The following C1orf185 variants were observed in gnomAD, a reference collection of about 807,000 sequenced individuals.
The protein encoded by C1orf185 is chromosome 1 open reading frame 185.
In C1orf185, 13 loss-of-function variants were observed where a neutral mutation model predicts 16.1. The observed-to-expected ratio is 0.81, with a 90% CI of 0.53 to 1.28. The LOEUF (loss-of-function observed/expected upper bound fraction) is 1.28. Among genes scored for constraint, C1orf185 ranks in the 50% most tolerant of loss-of-function variants. The probability of loss-of-function intolerance (pLI) is 0.00; values close to 1 mark genes in which losing one functional copy is unlikely to be tolerated. For synonymous variants in C1orf185, 80 were observed against 76.9 expected (o/e 1.04, Z -0.21); for missense variants, 220 against 225.2 (o/e 0.98, Z 0.15).
chr1:51,104,542 G>T (rs971630017), intron 1 of C1orf185, among the ~76,000 whole-genome samples: 1 of 152,182 alleles, frequency 6.6e-6, no homozygotes. Context: ...AAAATCAGTA[G>T]TGACCTTTGG....
In C1orf185 at chr1:51,135,490, G is replaced by C. The variant is rs1454534708; in HGVS notation, c.259-10234G>C. Among the ~76,000 whole-genome samples the C allele has an allele frequency of 2.6e-5, 4 of 151,780 alleles. No individual in the cohort carries two copies. In the South Asian group the frequency reaches 8.4e-4, roughly 32 times the overall value. Reference sequence around the variant, plus strand: ...GAAGGCGGAGGTTGCAGTGAGCCGAGATCACACCATTGCACTCCAGCCTGG... The same window carrying C: ...GAAGGCGGAGGTTGCAGTGAGCCGACATCACACCATTGCACTCCAGCCTGG... On this transcript the variant is annotated intron_variant, in intron 3 of 4. Transcript: ENST00000371759.
intron 2 of C1orf185, among the ~76,000 whole-genome samples, chr1:51,117,089 A>G (rs1646163408): frequency 6.6e-6 from 1 of 152,190 alleles, no homozygotes; most frequent in African/African-American, 2.4e-5. Context: ...GGAAGCAATG[A>G]GAGTTCCATG....
At chr1:51,142,629 G>T (rs1047114297) in intron 3 of C1orf185, among the ~76,000 whole-genome samples, 7 of 152,042 alleles carry the variant, frequency 4.6e-5, no homozygotes, top group African/African-American at 7.2e-5. Context: ...GGTAATTTGT[G>T]CCTTTCAAGG....
At chr1:51,113,936 A>T (rs1300654168) in intron 2 of C1orf185, among the ~76,000 whole-genome samples, 2 of 152,172 alleles carry the variant, frequency 1.3e-5, no homozygotes, top group Admixed American at 6.5e-5. Flanking sequence ...CAAGTTTAAA[A>T]AGTTTCTGTT....
In C1orf185 at chr1:51,147,704, T is replaced by C; in HGVS notation, c.533T>C (p.Val178Ala). Residue 178 changes from valine to alanine, a missense_variant, in exon 5 of 5, where the codon GTA becomes GCA. Transcript: ENST00000371759. ...CTCGGGGAACCTCTAATGGAAAAAG[T>C]ATTTTCATACCTGTCAACCATTTCA... ...PSLGEPLMEK[V>A]FSYLSTISLE... 1 of 1,551,356 alleles carries C rather than the reference T, an allele frequency of 6.4e-7. No individual in the cohort carries two copies. Among genetic ancestry groups the C allele is most frequent in the Non-Finnish European group, 8.7e-7 (1 of 1,146,820 alleles).
At chr1:51,111,365 T>C (rs902515743) in intron 1 of C1orf185, among the ~76,000 whole-genome samples, 2 of 141,504 alleles carry the variant, frequency 1.4e-5, no homozygotes, top group Non-Finnish European at 3.0e-5. Flanking sequence ...CATTTAGCTT[T>C]CTTTCTTTCT....
chr1:51,113,006 A>G (rs1646132461), intron 2 of C1orf185, among the ~76,000 whole-genome samples: 1 of 151,476 alleles, frequency 6.6e-6, no homozygotes, highest in Admixed American at 6.6e-5. Context: ...TTTAGTAGAG[A>G]CGGGGTTTCA....
rs143765599 is a variant in C1orf185, at chr1:51,138,978, G to A, written c.259-6746G>A. On this transcript the variant is annotated intron_variant, in intron 3 of 4. Coordinates refer to ENST00000371759, the MANE Select transcript of C1orf185 (RefSeq NM_001136508.2). ...GCTGGGATTACAGGCATGATCCACT[G>A]TGCCCAGGCCATGATGTCTTTTCTT... Among the ~76,000 whole-genome samples, 546 of 152,108 alleles carry A rather than the reference G, an allele frequency of 3.6e-3. 1 individual carries two copies. Among genetic ancestry groups the A allele is most frequent in the Non-Finnish European group, 4.4e-3 (300 of 67,984 alleles).
At chr1:51,129,824 G>A (rs1367311175) in intron 3 of C1orf185, 3 of 152,074 alleles carry the variant, frequency 2.0e-5, no homozygotes, top group Non-Finnish European at 4.4e-5. Context: ...TTCTTATAAA[G>A]GCACTAATTC....
At chr1:51,114,795 G>C (rs1042637891) in intron 2 of C1orf185, among the ~76,000 whole-genome samples, 1 of 152,166 alleles carries the variant, frequency 6.6e-6, no homozygotes, top group Non-Finnish European at 1.5e-5. Context: ...TTGAGGTATA[G>C]TTTACATACA....
intron 3 of C1orf185, among the ~76,000 whole-genome samples, chr1:51,121,098 T>C (rs543647236): frequency 7.4e-4 from 112 of 152,314 alleles, no homozygotes; most frequent in Non-Finnish European, 1.2e-3. Flanking sequence ...ATACTTGTCA[T>C]TTTTTGTGGT....
At position 51,108,565 on chromosome 1, in the gene C1orf185, TCTC is replaced by T. The variant is rs1646090480; in HGVS notation, c.17-3898_17-3896del. 2.6e-5 allele frequency among the ~76,000 whole-genome samples: 4 copies of T among 152,264 alleles called. No homozygotes were observed. The South Asian group carries it at 6.2e-4, about 24-fold the overall frequency. ...GTATGTTTGTACCCATTAACCAACT[TCTC>T]ATCATCCTCCCTTCCCCCACTCCCT... On this transcript the variant is annotated intron_variant, in intron 1 of 4. Transcript: ENST00000371759.
At position 51,145,709 on chromosome 1, in the gene C1orf185, C is replaced by CT; in HGVS notation, c.259-8dup. ...TATTCTGATTTTAAAACACAAATAA[C>CT]TTTTTTTAATGTAGGAGGAGCAAAG... On this transcript the variant is annotated splice_polypyrimidine_tract_variant and intron_variant, in intron 3 of 4. Coordinates refer to ENST00000371759, the MANE Select transcript of C1orf185 (RefSeq NM_001136508.2). 5 of 1,271,496 alleles carry CT rather than the reference C, an allele frequency of 3.9e-6. No homozygotes were observed. Among genetic ancestry groups the CT allele is most frequent in the South Asian group, 1.6e-5 (1 of 64,432 alleles). 78.8% of individuals were successfully genotyped at this position (1,271,496 alleles called of 1,614,324 possible).
At chr1:51,109,183 C>T (rs1360630644) in intron 1 of C1orf185, among the ~76,000 whole-genome samples, 1 of 152,118 alleles carries the variant, frequency 6.6e-6, no homozygotes, top group Admixed American at 6.6e-5. Context: ...TGATGCTGAA[C>T]ATTTTTTCAT....
At chr1:51,115,552 A>G (rs1160917266) in intron 2 of C1orf185, among the ~76,000 whole-genome samples, 2 of 152,156 alleles carry the variant, frequency 1.3e-5, no homozygotes, top group Non-Finnish European at 2.9e-5. Flanking sequence ...AAGTACTTTC[A>G]CTTTTCTTAG....
intron 3 of C1orf185, among the ~76,000 whole-genome samples, chr1:51,122,978 G>A (rs577681916): frequency 1.4e-3 from 219 of 152,228 alleles, no homozygotes; most frequent in African/African-American, 5.1e-3. Context: ...CCTGAAACTG[G>A]GTAATTTATT....
At chr1:51,131,002 A>C (rs949002397) in intron 3 of C1orf185, among the ~76,000 whole-genome samples, 1 of 152,164 alleles carries the variant, frequency 6.6e-6, no homozygotes, top group Non-Finnish European at 1.5e-5. Context: ...TCCCAGGTTC[A>C]AGCAATTCTC....
At chr1:51,105,022 A>G (rs192724614) in intron 1 of C1orf185, among the ~76,000 whole-genome samples, 1 of 151,492 alleles carries the variant, frequency 6.6e-6, no homozygotes, top group East Asian at 1.9e-4. Flanking sequence ...TGGAGGTGCA[A>G]TCTCGGCTCA....
intron 3 of C1orf185, among the ~76,000 whole-genome samples, chr1:51,145,508 T>C (rs1274510893): frequency 6.6e-6 from 1 of 152,152 alleles, no homozygotes; most frequent in African/African-American, 2.4e-5. Context: ...TTCTGGAGAC[T>C]GCCTTTTTGG....
Sources: allele counts gnomAD v4.1 joint callset (sites outside exome capture counted in the v4.1 genomes callset), GRCh38; gene constraint gnomAD v4.1.1; transcripts MANE v1.5; gene names NCBI Gene and HGNC (gene_info 2026-07-23, HGNC 2026-07-21).